The following TMPRSS9 variants were observed in gnomAD, a reference collection of about 807,000 sequenced individuals.
The protein encoded by TMPRSS9 is transmembrane protease serine 9.
TMPRSS9 carries 113 observed loss-of-function variants against 111.4 expected under a neutral mutation model. That is an observed-to-expected ratio of 1.01 (90% CI 0.87 to 1.19). The LOEUF is 1.19. TMPRSS9 is among the 50% of genes most tolerant of loss of function. TMPRSS9 has a pLI of 0.00. For missense variants in TMPRSS9, 1,803 were observed against 1,513.1 expected (o/e 1.19, Z -3.18); for synonymous variants, 805 against 659.1 (o/e 1.22, Z -3.39).
intron 7 of TMPRSS9, 132 bp downstream of exon 8, chr19:2,405,677 C>G (rs1019532304): frequency 7.4e-6 from 7 of 949,724 alleles, no homozygotes; most frequent in African/African-American, 5.2e-5. Flanking sequence ...TTCTTTCTTG[C>G]TTTTGCTGTT....
intron 1 of TMPRSS9, among the ~76,000 whole-genome samples, chr19:2,390,368 C>A (rs900055675): frequency 1.3e-5 from 2 of 149,396 alleles, no homozygotes; most frequent in Non-Finnish European, 3.0e-5. Flanking sequence ...TCAGCCTCCC[C>A]GAGTAGCTGG....
intron 1 of TMPRSS9, among the ~76,000 whole-genome samples, chr19:2,370,824 T>C (rs528616892): frequency 8.3e-4 from 126 of 151,534 alleles, no homozygotes; most frequent in African/African-American, 2.9e-3. Flanking sequence ...TAACCCAGCG[T>C]GGTGGCATGC....
chr19:2,410,521 C>T (rs1971073783), intron 9 of TMPRSS9, 127 bp downstream of exon 10: 1 of 1,313,148 alleles, frequency 7.6e-7, no homozygotes, highest in Admixed American at 2.4e-5. Context: ...CCCAGAAAAA[C>T]ACAGACACGA....
At chr19:2,403,567 A>G (rs147824549) in intron 6 of TMPRSS9, among the ~76,000 whole-genome samples, 9 of 152,172 alleles carry the variant, frequency 5.9e-5, no homozygotes, top group African/African-American at 2.2e-4. Flanking sequence ...AAAATGCCGT[A>G]AGAGATTAGC....
At chr19:2,394,547 T>C (rs1321274663) in intron 1 of TMPRSS9, among the ~76,000 whole-genome samples, 3 of 152,074 alleles carry the variant, frequency 2.0e-5, no homozygotes, top group African/African-American at 7.2e-5. Context: ...CAGAGTGAGG[T>C]TGGGACACAG....
intron 1 of TMPRSS9, among the ~76,000 whole-genome samples, chr19:2,392,201 G>C (rs1054299807): frequency 6.6e-6 from 1 of 151,854 alleles, no homozygotes; most frequent in Admixed American, 6.6e-5. Context: ...ATTAAATAAT[G>C]AAGACAAGAA....
intron 1 of TMPRSS9, among the ~76,000 whole-genome samples, chr19:2,393,529 G>C (rs1223128444): frequency 6.6e-6 from 1 of 152,156 alleles, no homozygotes; most frequent in Admixed American, 6.6e-5. Context: ...CTTCATTCTT[G>C]AAGTCAGTGA....
Position 2,418,285 on chromosome 19 carries a change from TTCCTCCTTTCCTTCCCTCCCTTTCCC to T in TMPRSS9, c.2154+151_2154+176del, listed in dbSNP as rs1971309332. ...CTCCTTGTCCTTCCCTCCTTTTCCT[TTCCTCCTTTCCTTCCCTCCCTTTCCC>T]TCCCTCCCTCCCTCCCTCCCTTTCC... is the stretch of plus-strand genomic sequence containing the variant. On this transcript the variant is annotated intron_variant, in intron 13 of 17. Coordinates refer to ENST00000648592, the Ensembl canonical transcript of TMPRSS9. The T allele has an allele frequency of 4.7e-5, 31 of 660,488 alleles. 3 individuals carry two copies. The highest frequency in any genetic ancestry group is 5.5e-5 in the Non-Finnish European group (26 of 471,640). The allele number at this position is 660,488 out of a possible 1,614,324, so 40.9% of individuals were successfully genotyped here.
At position 2,424,218 on chromosome 19, in the gene TMPRSS9, CAG is replaced by C; in HGVS notation, c.2683_2684del (p.Arg895ValfsTer147). 5.6e-6 allele frequency: 8 copies of C among 1,437,082 alleles called. No individual in the cohort carries two copies. Among genetic ancestry groups the C allele is most frequent in the Middle Eastern group, 1.9e-4 (1 of 5,286 alleles). 89.0% of individuals were successfully genotyped at this position (1,437,082 alleles called of 1,614,324 possible). A position where few individuals can be genotyped will look rare whatever the true frequency, so the allele number is the denominator to read the frequency against. ...CACCGTTGCGGGGCCGTGCTGGTGG[CAG>C]AGAGGTGGCTGCTGTCGGCGGCGCA... On this transcript the variant is annotated frameshift_variant, in exon 15 of 18. Coordinates refer to ENST00000648592, the Ensembl canonical transcript of TMPRSS9. LOFTEE classifies it high-confidence loss of function.
intron 4 of TMPRSS9, among the ~76,000 whole-genome samples, chr19:2,401,180 A>G (rs1383382064): frequency 6.6e-6 from 1 of 152,076 alleles, no homozygotes; most frequent in East Asian, 1.9e-4. Flanking sequence ...ACGCTGAGGC[A>G]GGAGAATAGC....
intron 1 of TMPRSS9, among the ~76,000 whole-genome samples, chr19:2,371,909 C>T (rs1020503626): frequency 2.6e-5 from 4 of 152,118 alleles, no homozygotes; most frequent in East Asian, 1.9e-4. Flanking sequence ...GGAGGCTGGT[C>T]GAGCCACAGG....
At chr19:2,369,676 C>G (rs67845727) in intron 1 of TMPRSS9, among the ~76,000 whole-genome samples, 40,366 of 148,414 alleles carry the variant, frequency 0.27, 5,544 homozygotes, top group Middle Eastern at 0.39. Context: ...TGGGCTCAAG[C>G]GATCCTCCTG....
chr19:2,376,887 C>T (rs866330990), intron 1 of TMPRSS9, among the ~76,000 whole-genome samples: 3 of 152,268 alleles, frequency 2.0e-5, no homozygotes, highest in East Asian at 1.9e-4. Flanking sequence ...GCTCTCCACC[C>T]GGCCTGCCAG....
chr19:2,405,706 CT>C (rs10608410), intron 7 of TMPRSS9, among the ~76,000 whole-genome samples, 161 bp downstream of exon 8: 9,901 of 135,694 alleles, frequency 0.073, 341 homozygotes, highest in African/African-American at 0.12. Context: ...TGAGGGCATT[CT>C]TTTTTTTTTT....
At chr19:2,422,590 A>G (rs1039607863) in intron 14 of TMPRSS9, among the ~76,000 whole-genome samples, 2 of 151,710 alleles carry the variant, frequency 1.3e-5, no homozygotes, top group African/African-American at 2.4e-5. Context: ...AGAAAAAGAC[A>G]TAACGGCCTC....
chr19:2,422,657 G>A (rs1302450059), intron 14 of TMPRSS9, among the ~76,000 whole-genome samples: 1 of 152,164 alleles, frequency 6.6e-6, no homozygotes, highest in Non-Finnish European at 1.5e-5. Context: ...AGGCCAAGGC[G>A]GGTGGATCGC....
intron 2 of TMPRSS9, 65 bp from the exon 4 acceptor site, chr19:2,398,730 C>T (rs1350265896): frequency 8.5e-7 from 1 of 1,180,864 alleles, no homozygotes; most frequent in Non-Finnish European, 1.1e-6. Context: ...ACCTGACAGG[C>T]CTCTGCAGTG....
At chr19:2,402,475 C>A (rs1406634360) in intron 5 of TMPRSS9, among the ~76,000 whole-genome samples, 1 of 151,906 alleles carries the variant, frequency 6.6e-6, no homozygotes, top group Non-Finnish European at 1.5e-5. Context: ...CGCACTGGCT[C>A]ATGCCTGTAA....
chr19:2,390,894 T>C (rs1970575112), intron 1 of TMPRSS9, among the ~76,000 whole-genome samples: 3 of 150,814 alleles, frequency 2.0e-5, no homozygotes, highest in Non-Finnish European at 1.5e-5. Context: ...TAAGGCCGGG[T>C]GCAGTGGCTC....
Sources: allele counts gnomAD v4.1 joint callset (sites outside exome capture counted in the v4.1 genomes callset), GRCh38; gene constraint gnomAD v4.1.1; transcripts MANE v1.5; gene names NCBI Gene and HGNC (gene_info 2026-07-23, HGNC 2026-07-21).